L3MBTL4: variants seen among roughly 807,000 people sequenced by gnomAD.
L3MBTL4 encodes the protein L3MBTL histone methyl-lysine binding protein 4, also known as lethal(3)malignant brain tumor-like protein 4.
Under a neutral mutation model 84.5 loss-of-function variants are expected in L3MBTL4, and 70 were observed. That is an observed-to-expected ratio of 0.83 (90% confidence interval 0.68 to 1.01). L3MBTL4 has a LOEUF of 1.01. Among genes scored for constraint, L3MBTL4 ranks in the 50% least tolerant of loss-of-function variants. The pLI is 0.00. For missense variants in L3MBTL4, 715 were observed against 754.8 expected (o/e 0.95, Z 0.62); for synonymous variants, 274 against 259.8 (o/e 1.05, Z -0.52).
rs147084448 is a variant in L3MBTL4, at chr18:6,314,756, C to G, written c.-90-2700G>C. ...TCAAATTGAAGGAGTCTATAAATAA[C>G]TAAAATAATTCACTGTCTGTCTATG... On this transcript the variant is annotated intron_variant, in intron 1 of 18. Transcript: ENST00000317931. Among the ~76,000 whole-genome samples, 631 of 152,260 alleles carry G rather than the reference C, an allele frequency of 4.1e-3. 7 individuals are homozygous for G. Among genetic ancestry groups the G allele is most frequent in the African/African-American group, 0.014 (585 of 41,540 alleles).
At chr18:6,068,382 C>A (rs1282673598) in intron 16 of L3MBTL4, among the ~76,000 whole-genome samples, 1 of 152,088 alleles carries the variant, frequency 6.6e-6, no homozygotes, top group Non-Finnish European at 1.5e-5. Flanking sequence ...GATGAAGGTG[C>A]CTGGGGGAGC....
intron 14 of L3MBTL4, among the ~76,000 whole-genome samples, chr18:6,101,399 C>T (rs1170207712): frequency 6.6e-6 from 1 of 152,056 alleles, no homozygotes; most frequent in Non-Finnish European, 1.5e-5. Context: ...TGTCTATTCC[C>T]CTTTTCTGGA....
chr18:6,350,834 T>A (rs2053148118), intron 1 of L3MBTL4, among the ~76,000 whole-genome samples: 1 of 152,194 alleles, frequency 6.6e-6, no homozygotes, highest in Admixed American at 6.5e-5. Context: ...ACATGTCCAT[T>A]ATGGATGAAT....
chr18:6,239,794 C>G lies in L3MBTL4; in HGVS notation c.631G>C (p.Val211Leu), dbSNP rs1268517961. Reference protein sequence around the residue: ...VDRKNPSLVCVATIADIVEDR... With the variant: ...VDRKNPSLVCLATIADIVEDR... ...TCAACAATATCTGCTATGGTCGCCA[C>G]ACACACCAAGGAAGGGTTCTTCCTG... The change falls in exon 9 of 19, where the codon GTG (valine) becomes CTG (leucine). Residue 211 changes from valine to leucine, a missense_variant. Physicochemically the swap from Val to Leu is conservative, Grantham distance 32. Transcript: ENST00000317931. 6.2e-7 allele frequency: 1 copy of G among 1,614,198 alleles called. No individual in the cohort carries two copies. Among genetic ancestry groups the G allele is most frequent in the East Asian group, 2.2e-5 (1 of 44,886 alleles).
intron 16 of L3MBTL4, among the ~76,000 whole-genome samples, chr18:6,026,888 A>G (rs1369433079): frequency 6.6e-6 from 1 of 152,066 alleles, no homozygotes; most frequent in Non-Finnish European, 1.5e-5. Flanking sequence ...TCAAATCTAT[A>G]ATTTATTGCC....
chr18:6,245,588 C>CTT (rs776011254), intron 5 of L3MBTL4, among the ~76,000 whole-genome samples: 18 of 137,108 alleles, frequency 1.3e-4, no homozygotes, highest in Admixed American at 2.2e-4. Context: ...AGGTATTTTC[C>CTT]TTTTTTTTTT....
intron 16 of L3MBTL4, among the ~76,000 whole-genome samples, chr18:6,065,843 T>C (rs1224066897): frequency 6.6e-6 from 1 of 152,136 alleles, no homozygotes; most frequent in African/African-American, 2.4e-5. Context: ...GTTCTTTTTG[T>C]TTCAATTTCA....
intron 15 of L3MBTL4, among the ~76,000 whole-genome samples, chr18:6,083,822 A>AC (rs1257207746): frequency 6.6e-6 from 1 of 152,130 alleles, no homozygotes; most frequent in Non-Finnish European, 1.5e-5. Context: ...GGTGCATATG[A>AC]CCTAAAGGCA....
intron 1 of L3MBTL4, among the ~76,000 whole-genome samples, chr18:6,402,741 C>A (rs564177673): frequency 6.6e-6 from 1 of 151,894 alleles, no homozygotes; most frequent in Non-Finnish European, 1.5e-5. Flanking sequence ...CATTTCAAGG[C>A]GGAAGTTTTA....
chr18:5,963,983 A>G (rs920752866), intron 17 of L3MBTL4, among the ~76,000 whole-genome samples: 1 of 152,218 alleles, frequency 6.6e-6, no homozygotes, highest in African/African-American at 2.4e-5. Flanking sequence ...GGGGGTGATC[A>G]TGCTGTTGGA....
intron 16 of L3MBTL4, among the ~76,000 whole-genome samples, chr18:6,041,707 G>A (rs2056409620): frequency 6.6e-6 from 1 of 151,886 alleles, no homozygotes; most frequent in Admixed American, 6.6e-5. Flanking sequence ...TTTTCTATGC[G>A]CCCAGTGGAC....
intron 16 of L3MBTL4, among the ~76,000 whole-genome samples, chr18:6,062,677 C>CT (rs1171325940): frequency 6.6e-6 from 1 of 151,734 alleles, no homozygotes; most frequent in African/African-American, 2.4e-5. Flanking sequence ...TCTTTTTCAT[C>CT]TTTTTTTTCT....
chr18:6,217,155 T>C (rs1196980265), intron 10 of L3MBTL4, among the ~76,000 whole-genome samples: 1 of 152,148 alleles, frequency 6.6e-6, no homozygotes, highest in Non-Finnish European at 1.5e-5. Context: ...TAAAGGAAAG[T>C]ACACAAATCA....
chr18:6,066,853 T>C (rs621024), intron 16 of L3MBTL4, among the ~76,000 whole-genome samples: 2 of 152,182 alleles, frequency 1.3e-5, no homozygotes, highest in Non-Finnish European at 2.9e-5. Flanking sequence ...GCCGTTTACG[T>C]TCAGCATTAT....
chr18:5,956,717 C>A (rs1235116153), intron 18 of L3MBTL4, among the ~76,000 whole-genome samples: 3 of 152,100 alleles, frequency 2.0e-5, no homozygotes, highest in African/African-American at 7.2e-5. Context: ...GCCTTAAAAC[C>A]AAGTAAATCT....
chr18:6,020,659 T>C (rs2055206156), intron 16 of L3MBTL4, among the ~76,000 whole-genome samples: 1 of 151,960 alleles, frequency 6.6e-6, no homozygotes, highest in Non-Finnish European at 1.5e-5. Context: ...AGAGAAGACT[T>C]TGGAGGCAAA....
At chr18:6,122,629 C>T (rs567434364) in intron 14 of L3MBTL4, among the ~76,000 whole-genome samples, 1 of 152,246 alleles carries the variant, frequency 6.6e-6, no homozygotes, top group East Asian at 1.9e-4. Flanking sequence ...CAAATTAAAC[C>T]CTCCTTCTTT....
At chr18:6,237,040 G>C (rs2047243472) in intron 10 of L3MBTL4, among the ~76,000 whole-genome samples, 2 of 151,704 alleles carry the variant, frequency 1.3e-5, no homozygotes, top group Admixed American at 1.3e-4. Context: ...AAAATACTAA[G>C]ATTATACAGC....
chr18:6,379,634 T>C (rs1442307597), intron 1 of L3MBTL4, among the ~76,000 whole-genome samples: 1 of 152,230 alleles, frequency 6.6e-6, no homozygotes, highest in Non-Finnish European at 1.5e-5. Context: ...GATTTGCATA[T>C]GTTGAACCAG....
Sources: gnomAD v4.1 joint callset for allele counts (sites outside exome capture counted in the v4.1 genomes callset) on GRCh38, gnomAD v4.1.1 for gene constraint, MANE v1.5 for transcripts, NCBI Gene and HGNC (gene_info 2026-07-23, HGNC 2026-07-21) for gene names.